The following CHD2 variants were observed in gnomAD, a reference collection of about 807,000 sequenced individuals.
CHD2 encodes the protein chromodomain helicase DNA binding protein 2.
Under a neutral mutation model 243.9 loss-of-function variants are expected in CHD2, and 28 were observed. That is an observed-to-expected ratio of 0.11 (90% CI 0.09 to 0.16). CHD2 has a LOEUF of 0.16. Among genes scored for constraint, CHD2 ranks in the 10% least tolerant of loss-of-function variants. CHD2 has a pLI of 1.00. For missense variants in CHD2, 1,386 were observed against 2,209.8 expected (o/e 0.63, Z 7.47); for synonymous variants, 775 against 779.0 (o/e 0.99, Z 0.09).
intron 2 of CHD2, chr15:92,902,492 T>C (rs1406739481): frequency 8.2e-6 from 2 of 244,388 alleles, no homozygotes; most frequent in African/African-American, 4.5e-5. Flanking sequence ...GGCTAGTGAA[T>C]TTGAAAGTTT....
chr15:92,940,753 A>G (rs963961933), intron 7 of CHD2, among the ~76,000 whole-genome samples: 1 of 145,658 alleles, frequency 6.9e-6, no homozygotes, highest in South Asian at 2.1e-4. Flanking sequence ...ATAGGAAGTT[A>G]CATATATAAA....
chr15:92,949,645 A>G (rs1430331107), intron 13 of CHD2, among the ~76,000 whole-genome samples: 1 of 152,222 alleles, frequency 6.6e-6, no homozygotes, highest in East Asian at 1.9e-4. Flanking sequence ...TGAGACAGTG[A>G]TAGCACTGGA....
At chr15:92,965,055 T>A (rs2141827207) in intron 16 of CHD2, among the ~76,000 whole-genome samples, 1 of 152,336 alleles carries the variant, frequency 6.6e-6, no homozygotes, top group South Asian at 2.1e-4. Flanking sequence ...AAATTCCGTG[T>A]TCTGCAAAGC....
At chr15:93,009,556 A>G (rs1192968462) in intron 35 of CHD2, among the ~76,000 whole-genome samples, 1 of 152,202 alleles carries the variant, frequency 6.6e-6, no homozygotes, top group African/African-American at 2.4e-5. Context: ...TATGAGAGAA[A>G]GATAGTGTTA....
intron 22 of CHD2, among the ~76,000 whole-genome samples, chr15:92,980,157 G>C (rs914708873): frequency 5.3e-5 from 8 of 150,802 alleles, no homozygotes; most frequent in African/African-American, 1.7e-4. Flanking sequence ...TGATTCTTGT[G>C]CCTCAGCCTC....
At chr15:92,904,106 C>G (rs1323967884) in intron 2 of CHD2, among the ~76,000 whole-genome samples, 5 of 152,228 alleles carry the variant, frequency 3.3e-5, no homozygotes, top group Non-Finnish European at 7.3e-5. Flanking sequence ...TTCTGGGGAA[C>G]TCTGGTGCCG....
chr15:92,981,826 G>C (rs1041190210), intron 24 of CHD2, among the ~76,000 whole-genome samples: 7 of 152,212 alleles, frequency 4.6e-5, no homozygotes, highest in Non-Finnish European at 8.8e-5. Flanking sequence ...ATGACAATTA[G>C]AAGGTTCTGA....
In CHD2 at chr15:92,953,240, G is replaced by A. The variant is rs138455747; in HGVS notation, c.1503-117G>A. 9.8e-4 allele frequency: 724 copies of A among 740,670 alleles called. 10 individuals carry two copies. In the East Asian group the frequency reaches 0.018, roughly 19 times the overall value. 45.9% of individuals were successfully genotyped at this position (740,670 alleles called of 1,614,324 possible). On this transcript the variant is annotated intron_variant, in intron 13 of 38. Coordinates refer to ENST00000394196, the MANE Select transcript of CHD2 (RefSeq NM_001271.4). ...GAGAAGAAATACATTTGAGGCTTAT[G>A]AATGACACCTTGCTTGGCTGTTATT...
intron 26 of CHD2, among the ~76,000 whole-genome samples, chr15:92,989,874 G>C (rs775813213): frequency 6.6e-6 from 1 of 152,210 alleles, no homozygotes. Flanking sequence ...TCCCAGGAGC[G>C]TGCGGAAGGA....
chr15:92,948,955 C>T lies in CHD2; in HGVS notation c.1381C>T (p.Leu461=). ...KTIPTRECKA[L]KQRPRFVALK... ...GACTTGGGCTTTTGTTTTTCAGGCC[C>T]TGAAGCAGAGACCACGATTTGTAGC... The change falls in exon 13 of 39, where the codon CTG becomes TTG. Residue 461 remains leucine (L), a synonymous_variant. Coordinates refer to ENST00000394196, the MANE Select transcript of CHD2 (RefSeq NM_001271.4). 1.2e-6 allele frequency: 2 copies of T among 1,612,586 alleles called. No homozygotes were observed. Among genetic ancestry groups the T allele is most frequent in the Non-Finnish European group, 1.7e-6 (2 of 1,179,606 alleles).
rs560625284 is a variant in CHD2, at chr15:92,970,730, T to C, written c.2190-1035T>C. On this transcript the variant is annotated intron_variant, in intron 17 of 38. Transcript: ENST00000394196. ...GGCCTTTATGATGCATAGTGTTCCA[T>C]TGAGGTTATATAGTATGGTTTATTC... Among the ~76,000 whole-genome samples the C allele has an allele frequency of 1.6e-4, 25 of 152,288 alleles. No homozygotes were observed. The South Asian group carries it at 4.4e-3, about 27-fold the overall frequency.
At chr15:92,933,146 C>G (rs1300647327) in intron 5 of CHD2, among the ~76,000 whole-genome samples, 1 of 151,714 alleles carries the variant, frequency 6.6e-6, no homozygotes, top group African/African-American at 2.4e-5. Context: ...CTCAAGTGAT[C>G]CTCTTGCTTC....
intron 12 of CHD2, among the ~76,000 whole-genome samples, chr15:92,947,921 G>A (rs1242809713): frequency 6.6e-6 from 1 of 152,128 alleles, no homozygotes; most frequent in East Asian, 1.9e-4. Context: ...AAAGTCCCCT[G>A]AAAAAAGACT....
intron 2 of CHD2, among the ~76,000 whole-genome samples, chr15:92,905,313 C>G (rs1241731089): frequency 6.6e-6 from 1 of 152,140 alleles, no homozygotes; most frequent in African/African-American, 2.4e-5. Flanking sequence ...ACTGATTTGC[C>G]TTGTTTGGAA....
At chr15:92,920,050 C>A (rs148918663) in intron 2 of CHD2, among the ~76,000 whole-genome samples, 1 of 152,282 alleles carries the variant, frequency 6.6e-6, no homozygotes, top group East Asian at 1.9e-4. Context: ...CACAAGTATA[C>A]TTCAAATAAC....
intron 33 of CHD2, among the ~76,000 whole-genome samples, chr15:93,004,072 C>T (rs1219627119): frequency 1.4e-5 from 2 of 146,036 alleles, no homozygotes; most frequent in African/African-American, 5.2e-5. Context: ...TGCAGTGAGC[C>T]GAGATCATGA....
At position 92,962,329 on chromosome 15, in the gene CHD2, A is replaced by G. The variant is rs1252346727; in HGVS notation, c.2001-4996A>G. ...GTTGTTTAAAGGTATGTTTACTTCT[A>G]TGCACTGCTTTAGCTGCATCCTGTA... On this transcript the variant is annotated intron_variant, in intron 16 of 38. Transcript: ENST00000394196. Among the ~76,000 whole-genome samples, 4 of 152,172 alleles carry G rather than the reference A, an allele frequency of 2.6e-5. No individual in the cohort carries two copies. The East Asian group carries it at 7.7e-4, about 29-fold the overall frequency.
intron 2 of CHD2, among the ~76,000 whole-genome samples, chr15:92,910,901 GCA>G (rs921940682): frequency 3.3e-5 from 5 of 152,130 alleles, no homozygotes; most frequent in Non-Finnish European, 7.4e-5. Context: ...ATAGCCTACT[GCA>G]CACTTATGCT....
intron 12 of CHD2, among the ~76,000 whole-genome samples, chr15:92,948,712 G>A (rs969692271): frequency 2.6e-5 from 4 of 152,108 alleles, no homozygotes; most frequent in Non-Finnish European, 5.9e-5. Flanking sequence ...GCGGGCGCCT[G>A]TATGTAGTCC....
Sources: gnomAD v4.1 joint callset for allele counts (sites outside exome capture counted in the v4.1 genomes callset) on GRCh38, gnomAD v4.1.1 for gene constraint, MANE v1.5 for transcripts, NCBI Gene and HGNC (gene_info 2026-07-23, HGNC 2026-07-21) for gene names.